Variants in STK10 observed in about 807,000 individuals in gnomAD.
STK10 encodes the protein serine/threonine-protein kinase 10.
Under a neutral mutation model 113.8 loss-of-function variants are expected in STK10, and 78 were observed. That is an observed-to-expected ratio of 0.69 (90% CI 0.57 to 0.83). The LOEUF is 0.83. STK10 is among the 40% of genes least tolerant of loss of function. STK10 has a pLI of 0.00. For missense variants in STK10, 1,109 were observed against 1,280.1 expected, an observed-to-expected ratio of 0.87 and a Z score of 2.04; for synonymous variants, 465 against 494.7, an observed-to-expected ratio of 0.94 and a Z score of 0.80.
intron 2 of STK10, among the ~76,000 whole-genome samples, chr5:172,128,804 G>A (rs1028079614): frequency 5.9e-5 from 9 of 152,190 alleles, no homozygotes; most frequent in African/African-American, 2.2e-4. Context: ...GAAGACCCAC[G>A]CTGTCTCTAA....
intron 12 of STK10, among the ~76,000 whole-genome samples, chr5:172,081,290 G>A (rs1394962475): frequency 6.7e-6 from 1 of 149,282 alleles, no homozygotes; most frequent in African/African-American, 2.5e-5. Context: ...GGCAGAGGTT[G>A]CAGTGAGCCG....
chr5:172,093,517 C>T lies in STK10; in HGVS notation c.1449G>A (p.Arg483=). Residue 483 remains arginine (R), a synonymous_variant, in exon 9 of 19, where the codon AGG becomes AGA. Transcript: ENST00000176763. The surrounding 1 kb of genome is among the most constrained non-coding windows in gnomAD (Gnocchi z 4.1). ...PAQAAPGPSK[R]DSDCSSLCTS... ...TGCAGAGGCTGCTGCAGTCCGAGTC[C>T]CTCTTGGAAGGCCCTGGAGCTGCCT... 5.0e-6 allele frequency: 8 copies of T among 1,614,188 alleles called. No individual in the cohort carries two copies. The highest frequency in any genetic ancestry group is 6.8e-6 in the Non-Finnish European group (8 of 1,180,034).
rs142144816 is a variant in STK10 at position 172,105,723 on chromosome 5, C to T, written c.803G>A (p.Arg268His). ...LTPSKWSVEF[R>H]DFLKIALDKN... ...ATCCAGGGCTATCTTCAGGAAGTCACGGAACTCTACAGACCTGGGAGGACA... is the reference window on the plus strand; with the variant it reads ...ATCCAGGGCTATCTTCAGGAAGTCATGGAACTCTACAGACCTGGGAGGACA... Residue 268 changes from arginine (R) to histidine (H), a missense_variant, in exon 7 of 19, where the codon CGT becomes CAT. Physicochemically the swap from Arg to His is conservative, Grantham distance 29. Transcript: ENST00000176763. The T allele has an allele frequency of 1.3e-5, 21 of 1,613,766 alleles. No homozygotes were observed. The highest frequency in any genetic ancestry group is 1.1e-4 in the African/African-American group (8 of 75,014).
chr5:172,186,827 G>A (rs1431569382), intron 1 of STK10, among the ~76,000 whole-genome samples: 1 of 151,938 alleles, frequency 6.6e-6, no homozygotes, highest in Non-Finnish European at 1.5e-5. Flanking sequence ...GAACTACTTC[G>A]GTAACTAGGC....
At chr5:172,138,366 C>T (rs1258794245) in intron 2 of STK10, among the ~76,000 whole-genome samples, 1 of 152,152 alleles carries the variant, frequency 6.6e-6, no homozygotes, top group Non-Finnish European at 1.5e-5. Context: ...TTGTGATCCG[C>T]CCACCTTGGC....
At chr5:172,046,179 G>T (rs1486567731) in intron 18 of STK10, among the ~76,000 whole-genome samples, 1 of 151,416 alleles carries the variant, frequency 6.6e-6, no homozygotes, top group Non-Finnish European at 1.5e-5. Context: ...GGCCAACAAG[G>T]CGAAACCCCA....
At chr5:172,145,083 CTG>C (rs1417168688) in intron 2 of STK10, among the ~76,000 whole-genome samples, 1 of 152,210 alleles carries the variant, frequency 6.6e-6, no homozygotes, top group Non-Finnish European at 1.5e-5. Context: ...AGATCAGACT[CTG>C]TGCAGATGCT....
At chr5:172,105,771 G>A (rs1460306207) in intron 6 of STK10, 34 bp from the exon 7 acceptor site, 1 of 1,602,150 alleles carries the variant, frequency 6.2e-7, no homozygotes, top group Non-Finnish European at 8.5e-7. Flanking sequence ...AAGCATGGAG[G>A]AGGCAAGAGC....
intron 18 of STK10, among the ~76,000 whole-genome samples, chr5:172,047,566 G>T (rs1456196786): frequency 6.6e-6 from 1 of 152,174 alleles, no homozygotes; most frequent in Non-Finnish European, 1.5e-5. Context: ...TGGGATCTTG[G>T]CCAGCTTCCA....
intron 7 of STK10, among the ~76,000 whole-genome samples, chr5:172,097,800 G>A (rs1292183450): frequency 6.6e-6 from 1 of 152,186 alleles, no homozygotes; most frequent in Non-Finnish European, 1.5e-5. Flanking sequence ...AGTGGTGTAT[G>A]TTCTATTCTA....
chr5:172,143,835 G>A (rs111685598), intron 2 of STK10, among the ~76,000 whole-genome samples: 20 of 152,328 alleles, frequency 1.3e-4, no homozygotes, highest in African/African-American at 3.8e-4. Context: ...ATCATCATAA[G>A]TGTTTGTTGA....
At chr5:172,096,682 A>T (rs1768863622) in intron 7 of STK10, 122 bp from the exon 8 acceptor site, 1 of 1,353,030 alleles carries the variant, frequency 7.4e-7, no homozygotes, top group South Asian at 1.3e-5. Context: ...AAATGTGCAC[A>T]TGAACTTGGA....
rs1767829583 is a variant in STK10 at position 172,057,420 on chromosome 5, G to C, written c.2266C>G (p.Gln756Glu). The C allele has an allele frequency of 6.4e-7, 1 of 1,552,158 alleles. No homozygotes were observed. Among genetic ancestry groups the C allele is most frequent in the African/African-American group, 1.4e-5 (1 of 73,134 alleles). Residue 756 changes from glutamine to glutamate, a missense_variant, in exon 15 of 19, where the codon CAG (glutamine) becomes GAG (glutamate). This residue lies in a region of STK10 where 885 missense variants were observed against 991.1 expected (regional missense o/e 0.89). Transcript: ENST00000176763. ...TCTTTGAGCTGCTGCTTCACCAGCT[G>C]GTGCCTCTCCTGCAGCTGGTGCTCT... is the stretch of plus-strand genomic sequence containing the variant. ...MEEHQLQERH[Q>E]LVKQQLKDQY...
intron 4 of STK10, among the ~76,000 whole-genome samples, chr5:172,114,292 GTGTGTGTGTGTGTGTGTGTGTGTA>G (rs1769314577): frequency 7.2e-6 from 1 of 138,502 alleles, no homozygotes; most frequent in Non-Finnish European, 1.5e-5. Flanking sequence ...CTACTCTCGT[GTGTGTGTGTGTGTGTGTGTGTGTA>G]TGTGTGTTTT....
chr5:172,113,839 G>A (rs778540967), intron 4 of STK10, among the ~76,000 whole-genome samples: 7 of 152,070 alleles, frequency 4.6e-5, no homozygotes, highest in Non-Finnish European at 8.8e-5. Context: ...CTTGAACCCA[G>A]GAGGCAGCGG....
chr5:172,163,530 G>A (rs187426262), intron 1 of STK10, among the ~76,000 whole-genome samples: 7 of 152,274 alleles, frequency 4.6e-5, no homozygotes, highest in African/African-American at 1.4e-4. Context: ...TAAGGCCAGC[G>A]TTAGCCTTGG....
intron 18 of STK10, among the ~76,000 whole-genome samples, chr5:172,048,144 G>A (rs1246965546): frequency 6.6e-6 from 1 of 152,136 alleles, no homozygotes; most frequent in East Asian, 1.9e-4. Context: ...ACACCAGCTA[G>A]ATGTCACTAT....
chr5:172,166,024 C>T (rs1366085094), intron 1 of STK10, among the ~76,000 whole-genome samples: 2 of 152,218 alleles, frequency 1.3e-5, no homozygotes, highest in African/African-American at 2.4e-5. Flanking sequence ...AACTCCCGAC[C>T]TCAAGTGATC....
chr5:172,106,650 T>A lies in STK10; in HGVS notation c.758A>T (p.Asp253Val), dbSNP rs967662374. ...AGAGGGCGTGAGCAGCGTGGGAGGG[T>A]CCGACTTGGCGATCTTTAGCAGGAC... ...MRVLLKIAKSDPPTLLTPSKW... is the reference protein window; with the variant it reads ...MRVLLKIAKSVPPTLLTPSKW... Residue 253 changes from aspartate (D) to valine (V), a missense_variant, in exon 6 of 19, where the codon GAC becomes GTC. Asp to Val is a radical substitution (Grantham distance 152). Around this residue, in one of 5 missense-constraint regions of STK10, gnomAD observed 885 missense variants for 991.1 expected, o/e 0.89. Coordinates refer to ENST00000176763, the MANE Select transcript of STK10 (RefSeq NM_005990.4). The A allele has an allele frequency of 1.9e-6, 3 of 1,612,736 alleles. No individual in the cohort carries two copies. The highest frequency in any genetic ancestry group is 2.5e-6 in the Non-Finnish European group (3 of 1,179,908).
Sources: gnomAD v4.1 joint callset for allele counts (sites outside exome capture counted in the v4.1 genomes callset) on GRCh38, gnomAD v4.1.1 for gene constraint, gnomAD v4.1.1 regional missense constraint, Gnocchi (gnomAD v3.1) non-coding constraint, MANE v1.5 for transcripts, NCBI Gene and HGNC (gene_info 2026-07-23, HGNC 2026-07-21) for gene names.